Variants in AK5 observed in about 807,000 individuals in gnomAD.
AK5 encodes the protein adenylate kinase isoenzyme 5.
A neutral mutation model predicts 69.5 loss-of-function variants in AK5; 27 were observed. The ratio of observed to expected loss-of-function variants is 0.39; its 90% CI spans 0.29 to 0.54. AK5 has a LOEUF of 0.54. AK5 is among the 20% of genes least tolerant of loss of function. The pLI, the probability that AK5 is intolerant of heterozygous loss-of-function variation, is 0.71. For synonymous variants in AK5, 260 were observed against 244.4 expected, an observed-to-expected ratio of 1.06 and a Z score of -0.60; for missense variants, 531 against 700.4, an observed-to-expected ratio of 0.76 and a Z score of 2.73.
At chr1:77,291,404 C>T (rs1364885797) in intron 2 of AK5, among the ~76,000 whole-genome samples, 2 of 152,096 alleles carry the variant, frequency 1.3e-5, no homozygotes. Flanking sequence ...TTTTTCTGCT[C>T]TTAGTCTTTC....
chr1:77,459,789 G>A (rs1653714677), intron 8 of AK5, among the ~76,000 whole-genome samples: 1 of 152,160 alleles, frequency 6.6e-6, no homozygotes, highest in African/African-American at 2.4e-5. Flanking sequence ...CCAATAAAAG[G>A]AGTTAGAAAA....
At chr1:77,467,190 G>C (rs374508066) in intron 8 of AK5, among the ~76,000 whole-genome samples, 2 of 152,282 alleles carry the variant, frequency 1.3e-5, no homozygotes, top group African/African-American at 4.8e-5. Context: ...TCAGTCCCCT[G>C]GGTCAAGGTA....
intron 5 of AK5, among the ~76,000 whole-genome samples, chr1:77,311,653 C>T (rs1300314758): frequency 6.7e-6 from 1 of 148,936 alleles, no homozygotes; most frequent in Non-Finnish European, 1.5e-5. Context: ...GCCAACTCTT[C>T]CCTTTCTTTT....
intron 6 of AK5, among the ~76,000 whole-genome samples, chr1:77,367,692 C>CGTTATATGTTATATATAT (rs1646998953): frequency 3.6e-5 from 1 of 27,882 alleles, no homozygotes; most frequent in Non-Finnish European, 6.6e-5. Context: ...GTTATATATA[C>CGTTATATGTTATATATAT]GTTATATGTT....
chr1:77,541,544 A>G lies in AK5; in HGVS notation c.1620+5506A>G, dbSNP rs368649248. On this transcript the variant is annotated intron_variant, in intron 13 of 13. Coordinates refer to ENST00000354567, the MANE Select transcript of AK5 (RefSeq NM_174858.3). ...TAAAAACATGATTGTGATTGTAGGT[A>G]ATACTGAGCCAGACTCTGTGGTTGT... Among the ~76,000 whole-genome samples the G allele has an allele frequency of 1.2e-4, 18 of 152,334 alleles. 2 individuals are homozygous for G. Among genetic ancestry groups the G allele is most frequent in the African/African-American group, 4.3e-4 (18 of 41,572 alleles).
intron 5 of AK5, among the ~76,000 whole-genome samples, chr1:77,320,077 A>G (rs1440569676): frequency 2.0e-5 from 3 of 152,226 alleles, no homozygotes; most frequent in Non-Finnish European, 4.4e-5. Context: ...ACTTAAAATC[A>G]TGGCAGAAGA....
intron 10 of AK5, among the ~76,000 whole-genome samples, chr1:77,501,128 G>C (rs1656693291): frequency 6.6e-6 from 1 of 152,224 alleles, no homozygotes; most frequent in Admixed American, 6.5e-5. Context: ...GGGCTGAGGA[G>C]AGAGGGATTG....
chr1:77,307,547 T>C (rs1219440019), intron 5 of AK5, among the ~76,000 whole-genome samples: 1 of 152,204 alleles, frequency 6.6e-6, no homozygotes, highest in Non-Finnish European at 1.5e-5. Flanking sequence ...TTGAGAATGA[T>C]CCATGTGCTG....
intron 5 of AK5, among the ~76,000 whole-genome samples, chr1:77,308,458 A>C (rs1219344919): frequency 3.8e-5 from 2 of 52,092 alleles, no homozygotes; most frequent in African/African-American, 9.6e-5. Context: ...AAAAAAAAAA[A>C]TCTTTTTCTC....
At chr1:77,475,167 GTATATATATA>G (rs35137146) in intron 8 of AK5, among the ~76,000 whole-genome samples, 5 of 89,938 alleles carry the variant, frequency 5.6e-5, no homozygotes, top group African/African-American at 1.6e-4. Context: ...GTGTGTGCAT[GTATATATATA>G]TATATATATA....
At chr1:77,504,774 A>T (rs1656934296) in intron 10 of AK5, among the ~76,000 whole-genome samples, 1 of 152,168 alleles carries the variant, frequency 6.6e-6, no homozygotes, top group South Asian at 2.1e-4. Flanking sequence ...GCATTTTTTA[A>T]CTTCCATAGA....
At chr1:77,395,597 T>C (rs1162471167) in intron 6 of AK5, among the ~76,000 whole-genome samples, 1 of 152,220 alleles carries the variant, frequency 6.6e-6, no homozygotes, top group African/African-American at 2.4e-5. Flanking sequence ...CTTCAGAGCC[T>C]GTGCTCACTT....
intron 8 of AK5, among the ~76,000 whole-genome samples, chr1:77,455,009 T>C (rs74092627): frequency 0.045 from 6,926 of 152,270 alleles, 396 homozygotes; most frequent in East Asian, 0.19. Flanking sequence ...ACAGCTCACT[T>C]TTGCTGAGCA....
In AK5 at chr1:77,530,887, G is replaced by A. The variant is rs138084258; in HGVS notation, c.1429-4960G>A. ...GGGGGTGGAGTCAGAGGGCAGGAGG[G>A]CAAACTTCTCCTCCCGCTCCACTTG... On this transcript the variant is annotated intron_variant, in intron 12 of 13. Transcript: ENST00000354567. Among the ~76,000 whole-genome samples, 192 of 152,192 alleles carry A rather than the reference G, an allele frequency of 1.3e-3. 1 individual carries two copies. Among genetic ancestry groups the A allele is most frequent in the African/African-American group, 4.4e-3 (183 of 41,530 alleles).
intron 7 of AK5, among the ~76,000 whole-genome samples, chr1:77,417,264 A>G (rs1216153784): frequency 6.6e-6 from 1 of 152,088 alleles, no homozygotes; most frequent in East Asian, 1.9e-4. Flanking sequence ...CCCCTCCTGG[A>G]CAACCTGTAT....
chr1:77,390,224 T>C (rs1413327810), intron 6 of AK5, among the ~76,000 whole-genome samples: 2 of 152,246 alleles, frequency 1.3e-5, no homozygotes, highest in African/African-American at 4.8e-5. Context: ...ATCAGTTATG[T>C]TTAGTTTCTT....
chr1:77,554,265 T>C (rs1659962502), intron 13 of AK5, among the ~76,000 whole-genome samples: 1 of 152,174 alleles, frequency 6.6e-6, no homozygotes, highest in Admixed American at 6.5e-5. Flanking sequence ...CCACCTTTAT[T>C]ATCTTCCAGT....
intron 5 of AK5, among the ~76,000 whole-genome samples, chr1:77,311,845 T>C (rs1376911993): frequency 1.3e-5 from 2 of 152,110 alleles, no homozygotes; most frequent in Admixed American, 6.5e-5. Flanking sequence ...TGAGGTTCCA[T>C]GTAAGACTTT....
chr1:77,334,594 C>T lies in AK5; in HGVS notation c.700-5783C>T, dbSNP rs116244931. ...CCATGTCTCAGGTGTCTCTTTTGCT[C>T]CTTTCCATATTTTTTCTACCTTTTT... On this transcript the variant is annotated intron_variant, in intron 5 of 13. Coordinates refer to ENST00000354567, the MANE Select transcript of AK5 (RefSeq NM_174858.3). Among the ~76,000 whole-genome samples the T allele has an allele frequency of 6.2e-3, 943 of 152,184 alleles. 9 individuals are homozygous for T. Among genetic ancestry groups the T allele is most frequent in the African/African-American group, 0.021 (875 of 41,522 alleles).
Sources: allele counts gnomAD v4.1 joint callset (sites outside exome capture counted in the v4.1 genomes callset), GRCh38; gene constraint gnomAD v4.1.1; transcripts MANE v1.5; gene names NCBI Gene and HGNC (gene_info 2026-07-23, HGNC 2026-07-21).